HS6ST3: variants seen among roughly 807,000 people sequenced by gnomAD.
HS6ST3 encodes the protein heparan sulfate 6-O-sulfotransferase 3, also known as heparan-sulfate 6-O-sulfotransferase 3.
Under a neutral mutation model 36.7 loss-of-function variants are expected in HS6ST3, and 12 were observed. The ratio of observed to expected loss-of-function variants is 0.33; its 90% CI spans 0.21 to 0.53. The LOEUF is 0.53. Ranked by LOEUF, HS6ST3 falls within the 20% of genes least tolerant of loss-of-function variation. The pLI is 0.95. For synonymous variants in HS6ST3, 240 were observed against 257.5 expected, an observed-to-expected ratio of 0.93 and a Z score of 0.65; for missense variants, 584 against 640.9, an observed-to-expected ratio of 0.91 and a Z score of 0.96.
intron 1 of HS6ST3, among the ~76,000 whole-genome samples, chr13:96,821,363 G>A (rs1380784475): frequency 1.3e-5 from 2 of 152,186 alleles, no homozygotes; most frequent in East Asian, 3.8e-4. Flanking sequence ...GTTCAACAAA[G>A]CCTGGGCCAC....
At chr13:96,522,808 CTT>C (rs2056099037) in intron 1 of HS6ST3, among the ~76,000 whole-genome samples, 1 of 152,044 alleles carries the variant, frequency 6.6e-6, no homozygotes, top group African/African-American at 2.4e-5. Flanking sequence ...GGTCTTGACT[CTT>C]TATTCAATTG....
At chr13:96,767,252 A>G (rs540355295) in intron 1 of HS6ST3, among the ~76,000 whole-genome samples, 1 of 152,348 alleles carries the variant, frequency 6.6e-6, no homozygotes, top group East Asian at 1.9e-4. Context: ...CCTTCTATCT[A>G]TAACACAATG....
intron 1 of HS6ST3, among the ~76,000 whole-genome samples, chr13:96,502,367 T>TC (rs2056008298): frequency 6.6e-6 from 1 of 151,578 alleles, no homozygotes; most frequent in South Asian, 2.1e-4. Flanking sequence ...GGCTTTTTTT[T>TC]TTTTTTTCAT....
intron 1 of HS6ST3, among the ~76,000 whole-genome samples, chr13:96,187,395 C>T (rs2054269579): frequency 6.6e-6 from 1 of 152,024 alleles, no homozygotes; most frequent in African/African-American, 2.4e-5. Context: ...ATTTTGTTGC[C>T]AGGAAGGTAA....
intron 1 of HS6ST3, among the ~76,000 whole-genome samples, chr13:96,234,583 A>G (rs2054525291): frequency 6.6e-6 from 1 of 152,136 alleles, no homozygotes; most frequent in Admixed American, 6.5e-5. Flanking sequence ...TTACATGGCA[A>G]CAGGCAAGAG....
intron 1 of HS6ST3, among the ~76,000 whole-genome samples, chr13:96,100,274 T>C (rs1027943314): frequency 3.3e-5 from 5 of 152,138 alleles, no homozygotes; most frequent in Non-Finnish European, 5.9e-5. Flanking sequence ...GTGCTACTAA[T>C]GTATATTTAT....
chr13:96,490,359 A>C (rs2055938614), intron 1 of HS6ST3, among the ~76,000 whole-genome samples: 1 of 152,116 alleles, frequency 6.6e-6, no homozygotes, highest in African/African-American at 2.4e-5. Context: ...AACCTAAATG[A>C]ACTGGTCATG....
At chr13:96,690,401 G>A (rs1874923882) in intron 1 of HS6ST3, among the ~76,000 whole-genome samples, 1 of 152,040 alleles carries the variant, frequency 6.6e-6, no homozygotes, top group Non-Finnish European at 1.5e-5. Flanking sequence ...CATAACAAAA[G>A]CTTTTCTAGA....
At chr13:96,630,978 C>T (rs943745357) in intron 1 of HS6ST3, among the ~76,000 whole-genome samples, 1 of 152,014 alleles carries the variant, frequency 6.6e-6, no homozygotes, top group Admixed American at 6.6e-5. Context: ...TTTAGAAGTA[C>T]AGCTTATTAT....
At chr13:96,549,750 C>T (rs1028069584) in intron 1 of HS6ST3, among the ~76,000 whole-genome samples, 43 of 152,220 alleles carry the variant, frequency 2.8e-4, no homozygotes, top group African/African-American at 1.0e-3. Flanking sequence ...CCAAGATGTT[C>T]ATGGTCTTTG....
intron 1 of HS6ST3, among the ~76,000 whole-genome samples, chr13:96,700,975 C>T (rs1252113991): frequency 1.3e-5 from 2 of 152,072 alleles, no homozygotes; most frequent in African/African-American, 2.4e-5. Context: ...AAGCAACATC[C>T]CAGTTAGTGA....
intron 1 of HS6ST3, among the ~76,000 whole-genome samples, chr13:96,730,465 T>C (rs1876120954): frequency 6.6e-6 from 1 of 152,170 alleles, no homozygotes; most frequent in African/African-American, 2.4e-5. Flanking sequence ...TTGGCTTTAT[T>C]CAGTTGTATT....
At chr13:96,606,393 T>C (rs1461659600) in intron 1 of HS6ST3, among the ~76,000 whole-genome samples, 6 of 151,950 alleles carry the variant, frequency 3.9e-5, no homozygotes, top group Non-Finnish European at 7.4e-5. Context: ...ATGCAGCCAT[T>C]AAAAAAGAAT....
At chr13:96,690,005 G>A (rs1308079511) in intron 1 of HS6ST3, among the ~76,000 whole-genome samples, 1 of 152,042 alleles carries the variant, frequency 6.6e-6, no homozygotes, top group Non-Finnish European at 1.5e-5. Context: ...TTAAATTGCA[G>A]GGAAGAAAAA....
At chr13:96,438,440 T>C (rs1225448833) in intron 1 of HS6ST3, among the ~76,000 whole-genome samples, 1 of 152,186 alleles carries the variant, frequency 6.6e-6, no homozygotes, top group African/African-American at 2.4e-5. Context: ...CACACAAGGT[T>C]AGGGTTGGAA....
chr13:96,756,487 G>A (rs898130267), intron 1 of HS6ST3, among the ~76,000 whole-genome samples: 1 of 152,130 alleles, frequency 6.6e-6, no homozygotes, highest in Non-Finnish European at 1.5e-5. Context: ...TACAGTTTTA[G>A]TTTGATGTAT....
chr13:96,356,107 A>T (rs1257586982), intron 1 of HS6ST3, among the ~76,000 whole-genome samples: 1 of 152,166 alleles, frequency 6.6e-6, no homozygotes, highest in Non-Finnish European at 1.5e-5. Context: ...ATATGATATG[A>T]TATGAACTAA....
chr13:96,258,701 G>A (rs2054649749), intron 1 of HS6ST3, among the ~76,000 whole-genome samples: 1 of 152,112 alleles, frequency 6.6e-6, no homozygotes, highest in Non-Finnish European at 1.5e-5. Context: ...ACATCCAACA[G>A]TGTCTGACCT....
At chr13:96,753,617 AT>A (rs1263507042) in intron 1 of HS6ST3, among the ~76,000 whole-genome samples, 1 of 152,088 alleles carries the variant, frequency 6.6e-6, no homozygotes, top group African/African-American at 2.4e-5. Flanking sequence ...GGTTTTCTTT[AT>A]AGATAATTAT....
Sources: allele counts gnomAD v4.1 joint callset (sites outside exome capture counted in the v4.1 genomes callset), GRCh38; gene constraint gnomAD v4.1.1; transcripts MANE v1.5; gene names NCBI Gene and HGNC (gene_info 2026-07-23, HGNC 2026-07-21).